The following TBC1D12 variants were observed in gnomAD, a reference collection of about 807,000 sequenced individuals.
TBC1D12 encodes TBC1 domain family member 12.
Under a neutral mutation model 86.7 loss-of-function variants are expected in TBC1D12, and 56 were observed. That is an observed-to-expected ratio of 0.65 (90% CI 0.52 to 0.81). The LOEUF (loss-of-function observed/expected upper bound fraction) is 0.81, where lower values mean the gene tolerates loss of function less well. TBC1D12 is among the 30% of genes least tolerant of loss of function. The probability of loss-of-function intolerance (pLI) is 0.00; values close to 1 mark genes in which losing one functional copy is unlikely to be tolerated. For synonymous variants in TBC1D12, 421 were observed against 411.7 expected (o/e 1.02, Z -0.27); for missense variants, 1,023 against 1,038.8 (o/e 0.98, Z 0.21).
intron 3 of TBC1D12, among the ~76,000 whole-genome samples, chr10:94,479,570 G>C (rs1400964591): frequency 6.6e-6 from 1 of 152,142 alleles, no homozygotes. Flanking sequence ...TAGGATTTTG[G>C]AGTTAATAGT....
At chr10:94,463,986 G>A (rs1229260679) in intron 2 of TBC1D12, among the ~76,000 whole-genome samples, 1 of 151,816 alleles carries the variant, frequency 6.6e-6, no homozygotes, top group East Asian at 1.9e-4. Context: ...TGGTGAATTG[G>A]TCCCTGTGTC....
chr10:94,488,931 G>C (rs1488540299), intron 3 of TBC1D12, among the ~76,000 whole-genome samples: 2 of 152,094 alleles, frequency 1.3e-5, no homozygotes, highest in African/African-American at 4.8e-5. Context: ...AAGAAGAAAG[G>C]AGTTACTTTA....
intron 4 of TBC1D12, among the ~76,000 whole-genome samples, chr10:94,495,858 C>T (rs1286894101): frequency 6.6e-6 from 1 of 152,094 alleles, no homozygotes; most frequent in African/African-American, 2.4e-5. Context: ...AACCCCAGCA[C>T]TTTGGGAGGC....
chr10:94,458,120 ATATTGAG>A (rs2055656153), intron 2 of TBC1D12, among the ~76,000 whole-genome samples: 1 of 152,142 alleles, frequency 6.6e-6, no homozygotes, highest in Admixed American at 6.6e-5. Context: ...CACTGTGGCA[ATATTGAG>A]AGAGGGGGCC....
chr10:94,514,907 C>CTTTTTTTTTT (rs1168629833), intron 9 of TBC1D12, among the ~76,000 whole-genome samples: 2 of 127,338 alleles, frequency 1.6e-5, no homozygotes, highest in Non-Finnish European at 3.3e-5. Flanking sequence ...TTTTTTTTTT[C>CTTTTTTTTTT]TTTTTTTTTT....
intron 1 of TBC1D12, among the ~76,000 whole-genome samples, chr10:94,424,848 G>C (rs2055126551): frequency 6.6e-6 from 1 of 152,168 alleles, no homozygotes; most frequent in African/African-American, 2.4e-5. Context: ...AAGTAAACTG[G>C]TAAGAGTTCT....
intron 1 of TBC1D12, among the ~76,000 whole-genome samples, chr10:94,432,144 G>C (rs979113158): frequency 6.6e-6 from 1 of 152,158 alleles, no homozygotes; most frequent in East Asian, 1.9e-4. Flanking sequence ...GTGAGTGTGT[G>C]TGTCTGTCTG....
At chr10:94,495,303 C>T (rs550866783) in intron 4 of TBC1D12, among the ~76,000 whole-genome samples, 1 of 151,986 alleles carries the variant, frequency 6.6e-6, no homozygotes, top group Non-Finnish European at 1.5e-5. Flanking sequence ...GAATTACAGG[C>T]GTGAGCCACC....
chr10:94,482,898 CAT>C (rs1366203879), intron 3 of TBC1D12, among the ~76,000 whole-genome samples: 3 of 152,120 alleles, frequency 2.0e-5, no homozygotes, highest in African/African-American at 7.2e-5. Flanking sequence ...TAAGTGAGAA[CAT>C]GTGATATTTT....
chr10:94,448,324 G>T (rs1210135823), intron 2 of TBC1D12, among the ~76,000 whole-genome samples: 1 of 152,014 alleles, frequency 6.6e-6, no homozygotes, highest in Non-Finnish European at 1.5e-5. Context: ...TGATTTTATT[G>T]GTATGTGTAA....
intron 2 of TBC1D12, among the ~76,000 whole-genome samples, chr10:94,447,418 CTG>C (rs1406787276): frequency 6.6e-6 from 1 of 152,040 alleles, no homozygotes; most frequent in Non-Finnish European, 1.5e-5. Flanking sequence ...GTGAAAGAAT[CTG>C]TTAAATATTT....
chr10:94,406,955 TCTCTCCCAC>T (rs1287672408), intron 1 of TBC1D12, among the ~76,000 whole-genome samples: 1 of 152,182 alleles, frequency 6.6e-6, no homozygotes, highest in Non-Finnish European at 1.5e-5. Context: ...ATGGCTCTTT[TCTCTCCCAC>T]CTATTTATCC....
chr10:94,513,597 C>T (rs1031130187), intron 9 of TBC1D12, among the ~76,000 whole-genome samples: 2 of 151,666 alleles, frequency 1.3e-5, no homozygotes, highest in Admixed American at 1.3e-4. Context: ...ACTCTGTCAC[C>T]CAGGCTAGAG....
Position 94,403,152 on chromosome 10 carries a change from A to G in TBC1D12, c.539A>G (p.Glu180Gly). ...GRLRLEGPGD[E>G]DADGAGSPSD... is the part of the protein sequence containing the mutation. ...CTTCGCCTGGAGGGGCCTGGCGACG[A>G]GGACGCGGACGGCGCGGGAAGCCCG... Residue 180 changes from glutamate to glycine, a missense_variant, in exon 1 of 13, where the codon GAG becomes GGG. Glu to Gly is a moderately conservative substitution (Grantham distance 98). Coordinates refer to ENST00000225235, the MANE Select transcript of TBC1D12 (RefSeq NM_015188.2). 1.4e-6 allele frequency: 2 copies of G among 1,430,230 alleles called. No homozygotes were observed. The highest frequency in any genetic ancestry group is 1.5e-5 in the South Asian group (1 of 65,858). The allele number at this position is 1,430,230 out of a possible 1,614,324, so 88.6% of individuals were successfully genotyped here.
intron 3 of TBC1D12, among the ~76,000 whole-genome samples, chr10:94,491,383 A>C (rs2056242810): frequency 6.6e-6 from 1 of 152,190 alleles, no homozygotes; most frequent in Non-Finnish European, 1.5e-5. Flanking sequence ...TGACTCCTAA[A>C]ACTGGACACT....
chr10:94,449,276 C>T (rs189118422), intron 2 of TBC1D12, among the ~76,000 whole-genome samples: 64 of 152,182 alleles, frequency 4.2e-4, no homozygotes, highest in African/African-American at 1.4e-3. Context: ...TATATTATAG[C>T]AGGCTTCAGA....
At chr10:94,522,792 A>C (rs552827980) in intron 11 of TBC1D12, among the ~76,000 whole-genome samples, 2 of 151,796 alleles carry the variant, frequency 1.3e-5, no homozygotes, top group Non-Finnish European at 2.9e-5. Context: ...ACGGTGGCTC[A>C]TGCCTGTAAT....
At chr10:94,511,270 G>C (rs2056523412) in intron 8 of TBC1D12, among the ~76,000 whole-genome samples, 1 of 151,626 alleles carries the variant, frequency 6.6e-6, no homozygotes. Context: ...GCTAATTTTT[G>C]TATTTGTAGT....
intron 3 of TBC1D12, among the ~76,000 whole-genome samples, chr10:94,480,392 A>C (rs375894133): frequency 2.6e-5 from 4 of 152,266 alleles, no homozygotes; most frequent in Admixed American, 2.6e-4. Context: ...CTCTTGACCT[A>C]GCACTTTTCT....
Sources: gnomAD v4.1 joint callset for allele counts (sites outside exome capture counted in the v4.1 genomes callset) on GRCh38, gnomAD v4.1.1 for gene constraint, MANE v1.5 for transcripts, NCBI Gene and HGNC (gene_info 2026-07-23, HGNC 2026-07-21) for gene names.